IPCEF1: variants seen among roughly 807,000 people sequenced by gnomAD.
The protein encoded by IPCEF1 is interactor protein for cytohesin exchange factors 1.
IPCEF1 carries 31 observed loss-of-function variants against 50.9 expected under a neutral mutation model. That is an observed-to-expected ratio of 0.61 (90% confidence interval 0.46 to 0.82). The LOEUF (loss-of-function observed/expected upper bound fraction) is 0.82, where lower values mean the gene tolerates loss of function less well. Among genes scored for constraint, IPCEF1 ranks in the 40% least tolerant of loss-of-function variants. The pLI, the probability that IPCEF1 is intolerant of heterozygous loss-of-function variation, is 0.00. For missense variants in IPCEF1, 458 were observed against 514.0 expected (o/e 0.89, Z 1.05); for synonymous variants, 181 against 192.0 (o/e 0.94, Z 0.47).
chr6:154,254,726 T>A (rs1399981624), intron 3 of IPCEF1, among the ~76,000 whole-genome samples: 1 of 152,230 alleles, frequency 6.6e-6, no homozygotes, highest in Non-Finnish European at 1.5e-5. Flanking sequence ...TCAAACTTTC[T>A]GTGTGGTTGG....
At chr6:154,196,182 T>C (rs1164465383) in intron 10 of IPCEF1, among the ~76,000 whole-genome samples, 1 of 152,146 alleles carries the variant, frequency 6.6e-6, no homozygotes, top group Non-Finnish European at 1.5e-5. Flanking sequence ...AATATAATAA[T>C]GCAAAATTGA....
intron 2 of IPCEF1, among the ~76,000 whole-genome samples, chr6:154,280,457 A>G (rs960511075): frequency 3.3e-5 from 5 of 152,228 alleles, no homozygotes; most frequent in African/African-American, 1.2e-4. Context: ...CAATGGGAAA[A>G]TGAATAAATA....
chr6:154,234,482 G>A (rs1562557731), intron 5 of IPCEF1, among the ~76,000 whole-genome samples: 2 of 152,168 alleles, frequency 1.3e-5, no homozygotes, highest in Admixed American at 6.5e-5. Context: ...CCTAAACCAG[G>A]ATGCTATTCC....
intron 1 of IPCEF1, among the ~76,000 whole-genome samples, chr6:154,346,904 C>T (rs1469242589): frequency 6.6e-6 from 1 of 152,198 alleles, no homozygotes; most frequent in Admixed American, 6.5e-5. Context: ...CCTATCCAAG[C>T]ATATCCTCTC....
intron 2 of IPCEF1, among the ~76,000 whole-genome samples, chr6:154,280,103 A>T (rs554141244): frequency 6.6e-5 from 10 of 152,268 alleles, no homozygotes; most frequent in South Asian, 2.1e-4. Flanking sequence ...AAATATTGCC[A>T]GTGGAAAATT....
chr6:154,207,224 T>A (rs1197179590), intron 9 of IPCEF1, among the ~76,000 whole-genome samples: 1 of 152,174 alleles, frequency 6.6e-6, no homozygotes, highest in Non-Finnish European at 1.5e-5. Flanking sequence ...GAGCAGGCTG[T>A]GAATGAAGAT....
chr6:154,307,558 A>G (rs573606597), intron 1 of IPCEF1, among the ~76,000 whole-genome samples: 2 of 150,798 alleles, frequency 1.3e-5, no homozygotes, highest in South Asian at 4.2e-4. Context: ...TAGGGGTAGG[A>G]GGTGTGGAGA....
chr6:154,215,348 C>G (rs903082814), intron 7 of IPCEF1, among the ~76,000 whole-genome samples: 46 of 152,086 alleles, frequency 3.0e-4, no homozygotes, highest in African/African-American at 1.1e-3. Flanking sequence ...GTGGTTCATG[C>G]CTCCCAGCAC....
At chr6:154,231,318 A>G (rs572483814) in intron 5 of IPCEF1, among the ~76,000 whole-genome samples, 2 of 152,390 alleles carry the variant, frequency 1.3e-5, no homozygotes, top group South Asian at 4.1e-4. Context: ...GGTAATGCAA[A>G]ATGGAACTCA....
chr6:154,354,248 C>T (rs1254416393), intron 1 of IPCEF1, among the ~76,000 whole-genome samples: 1 of 152,138 alleles, frequency 6.6e-6, no homozygotes, highest in African/African-American at 2.4e-5. Context: ...ACTGACCTTC[C>T]CATGATTACC....
chr6:154,204,058 TTAAG>T (rs1355990357), intron 9 of IPCEF1, among the ~76,000 whole-genome samples: 2 of 152,218 alleles, frequency 1.3e-5, no homozygotes, highest in African/African-American at 4.8e-5. Flanking sequence ...CACTTAGGTA[TTAAG>T]TATTTTATAT....
At chr6:154,242,062 A>G (rs1780641924) in intron 5 of IPCEF1, among the ~76,000 whole-genome samples, 1 of 152,242 alleles carries the variant, frequency 6.6e-6, no homozygotes, top group South Asian at 2.1e-4. Flanking sequence ...AAATGGGAAT[A>G]ATAAAATCTA....
chr6:154,247,675 A>C, intron 3 of IPCEF1, 187 bp from the exon 4 acceptor site: 2 of 496,118 alleles, frequency 4.0e-6, no homozygotes, highest in South Asian at 6.7e-5. Flanking sequence ...ATCAATATAC[A>C]TTGAGCTGAA....
At chr6:154,338,654 C>T (rs1783839709) in intron 1 of IPCEF1, among the ~76,000 whole-genome samples, 1 of 152,058 alleles carries the variant, frequency 6.6e-6, no homozygotes, top group African/African-American at 2.4e-5. Flanking sequence ...GTTAACTGCC[C>T]AATAACGAAA....
At chr6:154,332,511 T>C (rs1783696852) in intron 1 of IPCEF1, among the ~76,000 whole-genome samples, 1 of 152,190 alleles carries the variant, frequency 6.6e-6, no homozygotes, top group African/African-American at 2.4e-5. Flanking sequence ...AAGAATCAAG[T>C]TTTATGTGAT....
chr6:154,346,791 G>A (rs1784038078), intron 1 of IPCEF1, among the ~76,000 whole-genome samples: 1 of 152,142 alleles, frequency 6.6e-6, no homozygotes, highest in Non-Finnish European at 1.5e-5. Flanking sequence ...ATGAGGAACA[G>A]CCCCCATGGT....
At chr6:154,353,440 C>A (rs1784152736) in intron 1 of IPCEF1, among the ~76,000 whole-genome samples, 1 of 152,134 alleles carries the variant, frequency 6.6e-6, no homozygotes, top group African/African-American at 2.4e-5. Flanking sequence ...TGCGCCCGCA[C>A]CATGCCCAGC....
rs181967826 is a variant in IPCEF1, at chr6:154,296,973, C to T, written c.-61-7217G>A. 5.4e-4 allele frequency among the ~76,000 whole-genome samples: 82 copies of T among 152,230 alleles called. 1 individual carries two copies. Among genetic ancestry groups the T allele is most frequent in the South Asian group, 4.1e-4 (2 of 4,826 alleles). On this transcript the variant is annotated intron_variant, in intron 1 of 11. Coordinates refer to ENST00000367220, the MANE Select transcript of IPCEF1 (RefSeq NM_001130700.2). Reference sequence around the variant, plus strand: ...GGATTGGATGCAGATCCTAAATGTGCGATATAAGATGACGCTGCTCTCTCT... The same window carrying T: ...GGATTGGATGCAGATCCTAAATGTGTGATATAAGATGACGCTGCTCTCTCT...
chr6:154,155,497 A>G lies in IPCEF1; in HGVS notation c.*4331T>C, dbSNP rs547474777. On this transcript the variant is annotated 3_prime_UTR_variant, in exon 12 of 12. Transcript: ENST00000367220. ...CTCATTAAATCATGTATGTGGCTAT[A>G]TCAAAATACTGTCTTTCGGCCAGGT... 1 of 152,312 alleles carries G rather than the reference A, an allele frequency of 6.6e-6. No individual in the cohort carries two copies. The highest frequency in any genetic ancestry group is 2.4e-5 in the African/African-American group (1 of 41,560). 9.4% of individuals were successfully genotyped at this position (152,312 alleles called of 1,614,324 possible).
Sources: gnomAD v4.1 joint callset for allele counts (sites outside exome capture counted in the v4.1 genomes callset) on GRCh38, gnomAD v4.1.1 for gene constraint, MANE v1.5 for transcripts, NCBI Gene and HGNC (gene_info 2026-07-23, HGNC 2026-07-21) for gene names.